The following ZNF730 variants were observed in gnomAD, a reference collection of about 807,000 sequenced individuals.
The protein encoded by ZNF730 is zinc finger protein 730, also known as putative zinc finger protein 730.
Under a neutral mutation model 12.6 loss-of-function variants are expected in ZNF730, and 12 were observed. That is an observed-to-expected ratio of 0.95 (90% confidence interval 0.61 to 1.54). The LOEUF is 1.54. Among genes scored for constraint, ZNF730 ranks in the 40% most tolerant of loss-of-function variants. The pLI, the probability that ZNF730 is intolerant of heterozygous loss-of-function variation, is 0.00. For missense variants in ZNF730, 643 were observed against 583.5 expected (o/e 1.10, Z -1.05); for synonymous variants, 194 against 195.8 (o/e 0.99, Z 0.08).
intron 1 of ZNF730, chr19:23,127,971 C>T (rs1970690969): frequency 1.4e-6 from 1 of 730,474 alleles, no homozygotes; most frequent in Admixed American, 1.7e-5. Flanking sequence ...TGCTGCTGGC[C>T]TGCAGGCTCC....
Position 23,145,273 on chromosome 19 carries a change from A to T in ZNF730, c.229A>T (p.Ile77Leu). The change falls in exon 4 of 4, where the codon ATA becomes TTA. Residue 77 changes from isoleucine to leucine, a missense_variant and splice_region_variant. By Grantham distance (5) the Ile-to-Leu change is conservative. Transcript: ENST00000597761. ...TTTGTTATTTTTATTTCTTTCAGTTATATGTTCTCATATTGCCCAAGACCT... is the reference window on the plus strand; with the variant it reads ...TTTGTTATTTTTATTTCTTTCAGTTTTATGTTCTCATATTGCCCAAGACCT... ...THDMVAKPPV[I>L]CSHIAQDLWP... 1 of 1,512,266 alleles carries T rather than the reference A, an allele frequency of 6.6e-7. No homozygotes were observed. The highest frequency in any genetic ancestry group is 8.8e-7 in the Non-Finnish European group (1 of 1,134,230). 93.7% of individuals were successfully genotyped at this position (1,512,266 alleles called of 1,614,324 possible). A position where few individuals can be genotyped will look rare whatever the true frequency, so the allele number is the denominator to read the frequency against.
chr19:23,075,740 A>AT (rs915421316), intron 1 of ZNF730, among the ~76,000 whole-genome samples: 220 of 148,416 alleles, frequency 1.5e-3, no homozygotes, highest in Admixed American at 5.3e-3. Flanking sequence ...CTTTCCTGTT[A>AT]TTTTTTTTTT....
intron 1 of ZNF730, among the ~76,000 whole-genome samples, chr19:23,097,838 C>A (rs571483879): frequency 6.6e-6 from 1 of 152,230 alleles, no homozygotes; most frequent in Admixed American, 6.5e-5. Flanking sequence ...CGCTTGGACT[C>A]TGTCAAGGAG....
chr19:23,086,828 G>T (rs995578474), intron 1 of ZNF730, among the ~76,000 whole-genome samples: 23 of 152,158 alleles, frequency 1.5e-4, no homozygotes, highest in Admixed American at 1.5e-3. Context: ...AATTCTGTGA[G>T]AATGTCAATG....
At chr19:23,088,137 A>G (rs908625814) in intron 1 of ZNF730, among the ~76,000 whole-genome samples, 4 of 151,838 alleles carry the variant, frequency 2.6e-5, no homozygotes, top group African/African-American at 9.7e-5. Flanking sequence ...TCCCTGCCTC[A>G]GCCTCCCGAG....
chr19:23,132,051 G>A (rs11666194), intron 1 of ZNF730, among the ~76,000 whole-genome samples: 42,977 of 147,814 alleles, frequency 0.29, 6,607 homozygotes, highest in African/African-American at 0.41. Flanking sequence ...GGTGTCTGTG[G>A]CAGGGGAGGG....
chr19:23,086,003 T>C (rs1568300454), intron 1 of ZNF730, among the ~76,000 whole-genome samples: 1 of 151,794 alleles, frequency 6.6e-6, no homozygotes, highest in Non-Finnish European at 1.5e-5. Context: ...TGCCACCATG[T>C]CCAGCTAATT....
chr19:23,088,856 G>A (rs1970109435), intron 1 of ZNF730, among the ~76,000 whole-genome samples: 1 of 152,054 alleles, frequency 6.6e-6, no homozygotes, highest in Non-Finnish European at 1.5e-5. Context: ...GTTCCTTTTT[G>A]TTTGTTGGTT....
At chr19:23,134,047 T>G (rs1970782947) in intron 1 of ZNF730, 33 bp from the exon 2 acceptor site, 1 of 1,609,786 alleles carries the variant, frequency 6.2e-7, no homozygotes, top group African/African-American at 1.3e-5. Context: ...CAGGGGCACT[T>G]GGTAAATATG....
chr19:23,136,215 A>G (rs1023503107), intron 3 of ZNF730, 172 bp downstream of exon 3: 6 of 394,352 alleles, frequency 1.5e-5, no homozygotes, highest in African/African-American at 8.5e-5. Flanking sequence ...ACATAGAAGC[A>G]TCTTTTGTTT....
In ZNF730 at chr19:23,147,215, A is replaced by T. The variant is rs575761392; in HGVS notation, c.*659A>T. 6.4e-6 allele frequency: 1 copy of T among 156,004 alleles called. No individual in the cohort carries two copies. The highest frequency in any genetic ancestry group is 1.9e-4 in the East Asian group (1 of 5,250). 9.7% of individuals were successfully genotyped at this position (156,004 alleles called of 1,614,324 possible). On this transcript the variant is annotated 3_prime_UTR_variant, in exon 4 of 4. Transcript: ENST00000597761. ...GTTCATACTTAATAAAATCATTAAA[A>T]GTGCAATTACTGTCCAAAGATTTTT...
chr19:23,085,850 T>C (rs1251246280), intron 1 of ZNF730, among the ~76,000 whole-genome samples: 2 of 107,680 alleles, frequency 1.9e-5, no homozygotes, highest in Non-Finnish European at 1.9e-5. Context: ...TTTTTTTTTT[T>C]TTTTTTTTTT....
In ZNF730 at chr19:23,117,114, C is replaced by G. The variant is rs1211220604; in HGVS notation, c.-60C>G. The G allele has an allele frequency of 2.5e-6, 4 of 1,612,374 alleles. No homozygotes were observed. In the East Asian group the frequency reaches 6.7e-5, roughly 27 times the overall value. On this transcript the variant is annotated 5_prime_UTR_variant, in exon 1 of 4. Coordinates refer to ENST00000597761, the MANE Select transcript of ZNF730 (RefSeq NM_001277403.2). ...TAGAAGCCCAGCCTGTGTGGCCCTGCGACCTGCGGGTATTGGGAGATCCAC... is the reference window on the plus strand; with the variant it reads ...TAGAAGCCCAGCCTGTGTGGCCCTGGGACCTGCGGGTATTGGGAGATCCAC...
intron 1 of ZNF730, among the ~76,000 whole-genome samples, chr19:23,084,797 C>T (rs552653509): frequency 1.3e-5 from 2 of 152,012 alleles, no homozygotes; most frequent in African/African-American, 4.8e-5. Context: ...TGATCTCATT[C>T]TTTTTTATGG....
chr19:23,137,238 T>A (rs970322323), intron 3 of ZNF730, among the ~76,000 whole-genome samples: 1 of 152,184 alleles, frequency 6.6e-6, no homozygotes, highest in Admixed American at 6.5e-5. Context: ...ATAAAATATT[T>A]TTAAATTTAT....
rs565782703 is a variant in ZNF730, at chr19:23,139,712, A to G, written c.226+3669A>G. On this transcript the variant is annotated intron_variant, in intron 3 of 3. Transcript: ENST00000597761. ...GCTAATTTTTGTATTTTTAGTAGAGACAGGGTTTCACCTTGTTGGTCAGGC... is the reference window on the plus strand; with the variant it reads ...GCTAATTTTTGTATTTTTAGTAGAGGCAGGGTTTCACCTTGTTGGTCAGGC... Among the ~76,000 whole-genome samples, 7 of 152,144 alleles carry G rather than the reference A, an allele frequency of 4.6e-5. No homozygotes were observed. The East Asian group carries it at 1.2e-3, about 25-fold the overall frequency.
chr19:23,077,485 T>C (rs1411323359), intron 1 of ZNF730, among the ~76,000 whole-genome samples: 2 of 127,584 alleles, frequency 1.6e-5, no homozygotes, highest in Non-Finnish European at 3.1e-5. Flanking sequence ...TCACCCAGGC[T>C]GGAGTGCAGT....
rs1250643797 is a variant in ZNF730 at position 23,145,450 on chromosome 19, T to A, written c.406T>A (p.Cys136Ser). 1.3e-6 allele frequency: 2 copies of A among 1,574,204 alleles called. No homozygotes were observed. Among genetic ancestry groups the A allele is most frequent in the Non-Finnish European group, 8.6e-7 (1 of 1,161,256 alleles). ...HKKGYNRHNQ[C>S]LTTSHSKIFQ... ...AAAAGGTTATAATAGACATAACCAG[T>A]GTTTGACAACTTCCCATAGCAAAAT... is the stretch of plus-strand genomic sequence containing the variant. The change falls in exon 4 of 4, where the codon TGT becomes AGT. Residue 136 changes from cysteine (C) to serine (S), a missense_variant. Transcript: ENST00000597761.
At position 23,145,573 on chromosome 19, in the gene ZNF730, GAA is replaced by G; in HGVS notation, c.530_531del (p.Glu177ValfsTer15). 1 of 1,544,590 alleles carries G rather than the reference GAA, an allele frequency of 6.5e-7. No homozygotes were observed. The highest frequency in any genetic ancestry group is 8.7e-7 in the Non-Finnish European group (1 of 1,146,212). The part of the protein sequence containing the change: ...HTSKKPFKCK[E>X]CGKLFCILSH... ...TTCGAAGAAACCTTTCAAATGTAAA[GAA>G]TGTGGAAAATTATTTTGCATTCTTT... On this transcript the variant is annotated frameshift_variant, in exon 4 of 4. Coordinates refer to ENST00000597761, the MANE Select transcript of ZNF730 (RefSeq NM_001277403.2). LOFTEE classifies it low-confidence loss of function (END_TRUNC).
Sources: allele counts gnomAD v4.1 joint callset (sites outside exome capture counted in the v4.1 genomes callset), GRCh38; gene constraint gnomAD v4.1.1; transcripts MANE v1.5; gene names NCBI Gene and HGNC (gene_info 2026-07-23, HGNC 2026-07-21).